Variants in SH3GL2 observed in about 807,000 individuals in gnomAD.
SH3GL2 encodes endophilin-A1.
SH3GL2 carries 24 observed loss-of-function variants against 46.0 expected under a neutral mutation model. The observed-to-expected ratio is 0.52, with a 90% CI of 0.38 to 0.73. The LOEUF is 0.73. Ranked by LOEUF, SH3GL2 falls within the 30% of genes least tolerant of loss-of-function variation. The pLI is 0.00. For missense variants in SH3GL2, 413 were observed against 424.2 expected (o/e 0.97, Z 0.23); for synonymous variants, 196 against 147.1 (o/e 1.33, Z -2.40).
intron 1 of SH3GL2, among the ~76,000 whole-genome samples, chr9:17,736,413 TG>T (rs1320182252): frequency 6.6e-6 from 1 of 152,122 alleles, no homozygotes; most frequent in East Asian, 1.9e-4. Context: ...TTTTTCTGTC[TG>T]GGGTGTCTTC....
chr9:17,690,327 T>C (rs1372495486), intron 1 of SH3GL2, among the ~76,000 whole-genome samples: 3 of 152,130 alleles, frequency 2.0e-5, no homozygotes, highest in African/African-American at 4.8e-5. Flanking sequence ...AAGTTGAATA[T>C]GTCTGACTTT....
chr9:17,621,007 A>G (rs775825629), intron 1 of SH3GL2, among the ~76,000 whole-genome samples: 1 of 152,164 alleles, frequency 6.6e-6, no homozygotes, highest in Non-Finnish European at 1.5e-5. Context: ...TTCATGAGAA[A>G]GTTTTCCAGC....
At chr9:17,698,186 A>G (rs117485060) in intron 1 of SH3GL2, among the ~76,000 whole-genome samples, 1,525 of 152,328 alleles carry the variant, frequency 0.01, 16 homozygotes, top group Middle Eastern at 0.024. Flanking sequence ...CTTCAAGTCC[A>G]GATGCAGGCA....
At chr9:17,737,098 A>C (rs1210507322) in intron 1 of SH3GL2, among the ~76,000 whole-genome samples, 1 of 152,164 alleles carries the variant, frequency 6.6e-6, no homozygotes, top group Non-Finnish European at 1.5e-5. Flanking sequence ...AAACTAACAC[A>C]GGAACAGAAA....
rs1197901325 is a variant in SH3GL2 at position 17,791,304 on chromosome 9, T to G, written c.698T>G (p.Leu233Arg). The change falls in exon 7 of 9, where the codon CTG (leucine) becomes CGG (arginine). Residue 233 changes from leucine to arginine, a missense_variant. Coordinates refer to ENST00000380607, the MANE Select transcript of SH3GL2 (RefSeq NM_003026.5). ...TACCACAAGCAGGCAGTCCAGATCC[T>G]GCAGCAAGTCACGGTCAGACTGGAA... ...LEYHKQAVQILQQVTVRLEER... is the reference protein window; with the variant it reads ...LEYHKQAVQIRQQVTVRLEER... The G allele has an allele frequency of 6.2e-7, 1 of 1,613,066 alleles. No homozygotes were observed.
At chr9:17,731,099 T>G (rs561242310) in intron 1 of SH3GL2, among the ~76,000 whole-genome samples, 1 of 152,234 alleles carries the variant, frequency 6.6e-6, no homozygotes, top group East Asian at 1.9e-4. Context: ...ATAGTCCTTG[T>G]GGCAGGAATG....
chr9:17,777,475 C>A lies in SH3GL2; in HGVS notation c.188-8906C>A, dbSNP rs796813211. Among the ~76,000 whole-genome samples the A allele has an allele frequency of 4.6e-5, 7 of 151,938 alleles. No homozygotes were observed. In the East Asian group the frequency reaches 9.6e-4, roughly 21 times the overall value. The stretch of plus-strand genomic sequence containing the variant: ...CCCTCCCAAATTCATTTCATTTTCC[C>A]CCGGAACCTCAGAATTTGATCTATG... On this transcript the variant is annotated intron_variant, in intron 3 of 8. Coordinates refer to ENST00000380607, the MANE Select transcript of SH3GL2 (RefSeq NM_003026.5).
At chr9:17,722,292 A>G (rs1040422649) in intron 1 of SH3GL2, among the ~76,000 whole-genome samples, 1 of 152,124 alleles carries the variant, frequency 6.6e-6, no homozygotes, top group African/African-American at 2.4e-5. Context: ...CTCTACTTTT[A>G]GACAAAATGT....
intron 1 of SH3GL2, among the ~76,000 whole-genome samples, chr9:17,688,169 G>A (rs898699505): frequency 2.6e-5 from 4 of 152,004 alleles, no homozygotes; most frequent in African/African-American, 9.7e-5. Context: ...GCCTCATGTC[G>A]AGGTGTACCA....
intron 1 of SH3GL2, among the ~76,000 whole-genome samples, chr9:17,695,552 T>G (rs1324672421): frequency 6.6e-6 from 1 of 152,102 alleles, no homozygotes; most frequent in Non-Finnish European, 1.5e-5. Context: ...AGATGGCAAC[T>G]TTGAGGAGGT....
At chr9:17,688,016 C>T (rs190582039) in intron 1 of SH3GL2, among the ~76,000 whole-genome samples, 11 of 152,204 alleles carry the variant, frequency 7.2e-5, no homozygotes, top group East Asian at 3.9e-4. Context: ...AGTTCAGTAT[C>T]ATAGTAGCTC....
intron 1 of SH3GL2, among the ~76,000 whole-genome samples, chr9:17,694,166 A>G (rs1728445307): frequency 6.6e-6 from 1 of 152,086 alleles, no homozygotes; most frequent in African/African-American, 2.4e-5. Flanking sequence ...AGTACCTGAG[A>G]CTGGTAATTT....
At chr9:17,769,900 T>TA (rs978796389) in intron 3 of SH3GL2, among the ~76,000 whole-genome samples, 3 of 152,230 alleles carry the variant, frequency 2.0e-5, no homozygotes, top group Non-Finnish European at 2.9e-5. Context: ...CAGTATATTG[T>TA]AAACATAGTC....
intron 1 of SH3GL2, chr9:17,589,548 G>C (rs894691207): frequency 6.6e-6 from 1 of 152,158 alleles, no homozygotes; most frequent in Non-Finnish European, 1.5e-5. Context: ...TTGGAATAGA[G>C]AGACTACAGA....
intron 1 of SH3GL2, among the ~76,000 whole-genome samples, chr9:17,632,196 CT>C (rs1309587771): frequency 6.6e-6 from 1 of 152,090 alleles, no homozygotes; most frequent in Admixed American, 6.6e-5. Flanking sequence ...TTAGTTAAAT[CT>C]TAGTACCAAA....
At chr9:17,715,614 C>G (rs996656781) in intron 1 of SH3GL2, among the ~76,000 whole-genome samples, 1 of 151,934 alleles carries the variant, frequency 6.6e-6, no homozygotes, top group East Asian at 1.9e-4. Flanking sequence ...TACCATCCAG[C>G]ATATTATTTA....
intron 1 of SH3GL2, among the ~76,000 whole-genome samples, chr9:17,628,416 G>GTGTA (rs1819337788): frequency 3.7e-5 from 1 of 27,258 alleles, no homozygotes; most frequent in Non-Finnish European, 6.8e-5. Context: ...TCTTGGGTGT[G>GTGTA]TGTGTGTGTG....
chr9:17,770,881 G>A (rs1823459549), intron 3 of SH3GL2, among the ~76,000 whole-genome samples: 2 of 152,176 alleles, frequency 1.3e-5, no homozygotes, highest in African/African-American at 4.8e-5. Context: ...CAACCCACGT[G>A]AGCCTGGATG....
chr9:17,744,469 A>T (rs1205614954), intron 1 of SH3GL2, among the ~76,000 whole-genome samples: 2 of 151,748 alleles, frequency 1.3e-5, no homozygotes, highest in Non-Finnish European at 2.9e-5. Context: ...GAGCTCAAGC[A>T]ATTCTTTCAC....
Sources: allele counts gnomAD v4.1 joint callset (sites outside exome capture counted in the v4.1 genomes callset), GRCh38; gene constraint gnomAD v4.1.1; transcripts MANE v1.5; gene names NCBI Gene and HGNC (gene_info 2026-07-23, HGNC 2026-07-21).